AGO2: variants seen among roughly 807,000 people sequenced by gnomAD.
AGO2 encodes the protein argonaute RISC catalytic component 2.
In AGO2, 5 loss-of-function variants were observed where a neutral mutation model predicts 102.3. The observed-to-expected ratio is 0.05, with a 90% CI of 0.03 to 0.10. The LOEUF (loss-of-function observed/expected upper bound fraction) is 0.10. Ranked by LOEUF, AGO2 falls within the 10% of genes least tolerant of loss-of-function variation. The pLI is 1.00. For missense variants in AGO2, 541 were observed against 1,183.7 expected (o/e 0.46, Z 7.97); for synonymous variants, 449 against 473.1 (o/e 0.95, Z 0.66).
At chr8:140,579,597 A>G (rs1205247281) in intron 2 of AGO2, among the ~76,000 whole-genome samples, 3 of 151,124 alleles carry the variant, frequency 2.0e-5, no homozygotes, top group African/African-American at 7.3e-5. Context: ...TAAGCACCAC[A>G]CTGCATGCCC....
chr8:140,585,987 G>T (rs1383888089), intron 1 of AGO2, among the ~76,000 whole-genome samples: 1 of 152,050 alleles, frequency 6.6e-6, no homozygotes, highest in Non-Finnish European at 1.5e-5. Context: ...TTTTTTGTTT[G>T]TTTGTTTCCT....
In AGO2 at chr8:140,520,444, A is replaced by G. The variant is rs1026112571; in HGVS notation, c.*11600T>C. 1 of 152,228 alleles carries G rather than the reference A, an allele frequency of 6.6e-6. No homozygotes were observed. The highest frequency in any genetic ancestry group is 2.4e-5 in the African/African-American group (1 of 41,460). The allele number at this position is 152,228 out of a possible 1,614,324, so 9.4% of individuals were successfully genotyped here. On this transcript the variant is annotated 3_prime_UTR_variant, in exon 19 of 19. Transcript: ENST00000220592. ...ACTTCACCTAGTAAGCTGTAAAAACAAACTAGAAAGGACCCAGCTAAGCTT... is the reference window on the plus strand; with the variant it reads ...ACTTCACCTAGTAAGCTGTAAAAACGAACTAGAAAGGACCCAGCTAAGCTT...
At chr8:140,535,261 T>C (rs1390818795) in intron 17 of AGO2, 5 of 583,736 alleles carry the variant, frequency 8.6e-6, no homozygotes, top group African/African-American at 7.5e-5. Flanking sequence ...ACTTCCTTTT[T>C]CTGGGAGGCT....
intron 10 of AGO2, 136 bp from the exon 11 acceptor site, chr8:140,551,572 G>A: frequency 2.1e-6 from 2 of 960,388 alleles, no homozygotes; most frequent in Non-Finnish European, 2.8e-6. Context: ...GTTGTCTCCT[G>A]TCTCTGACCT....
rs536102869 is a variant in AGO2 at position 140,567,051 on chromosome 8, C to T, written c.337-4417G>A. ...TACAGTGCTGTGCCCTGGCACGGAT[C>T]GGATGCCTGTCAATGCCACCTTTCA... On this transcript the variant is annotated intron_variant, in intron 3 of 18. Coordinates refer to ENST00000220592, the MANE Select transcript of AGO2 (RefSeq NM_012154.5). This position sits in a 1 kb window ranked among gnomAD's most constrained non-coding sequence, Gnocchi z 5.0. 2.6e-5 allele frequency among the ~76,000 whole-genome samples: 4 copies of T among 152,376 alleles called. No homozygotes were observed. The highest frequency in any genetic ancestry group is 4.1e-4 in the South Asian group (2 of 4,830).
chr8:140,551,757 CCGTT>C (rs2073003112), intron 10 of AGO2, among the ~76,000 whole-genome samples: 2 of 113,642 alleles, frequency 1.8e-5, no homozygotes, highest in African/African-American at 6.7e-5. Flanking sequence ...GGTGGGTGGT[CCGTT>C]GATGATCGGT....
At chr8:140,623,416 A>T (rs909172639) in intron 1 of AGO2, among the ~76,000 whole-genome samples, 5 of 152,126 alleles carry the variant, frequency 3.3e-5, no homozygotes, top group Non-Finnish European at 7.4e-5. Flanking sequence ...TCATCTTACA[A>T]TGGTTCATCC....
At chr8:140,591,387 A>ACG (rs2073744186) in intron 1 of AGO2, among the ~76,000 whole-genome samples, 1 of 152,218 alleles carries the variant, frequency 6.6e-6, no homozygotes, top group Admixed American at 6.5e-5. Flanking sequence ...GAAGACTGGA[A>ACG]CGCTGCGCTG....
intron 2 of AGO2, among the ~76,000 whole-genome samples, chr8:140,573,567 C>T (rs1014970801): frequency 1.3e-5 from 2 of 152,166 alleles, no homozygotes; most frequent in Non-Finnish European, 2.9e-5. Context: ...CAAACTAGAC[C>T]CATGAGTGGG....
chr8:140,613,156 C>T (rs968371580), intron 1 of AGO2, among the ~76,000 whole-genome samples: 4 of 151,996 alleles, frequency 2.6e-5, no homozygotes, highest in Non-Finnish European at 4.4e-5. Flanking sequence ...GCCGAGATAG[C>T]GCCACTGCAC....
rs2073302852 is a variant in AGO2, at chr8:140,567,281, C to T, written c.337-4647G>A. Among the ~76,000 whole-genome samples, 1 of 152,254 alleles carries T rather than the reference C, an allele frequency of 6.6e-6. No homozygotes were observed. The highest frequency in any genetic ancestry group is 2.4e-5 in the African/African-American group (1 of 41,476). ...GGTGCTCGTGTGTGGCAGCTTAGGG[C>T]TGCATGGAGATTTTACGACGGCCAT... On this transcript the variant is annotated intron_variant, in intron 3 of 18. Transcript: ENST00000220592. The surrounding 1 kb of genome is among the most constrained non-coding windows in gnomAD (Gnocchi z 5.0).
At position 140,526,330 on chromosome 8, in the gene AGO2, T is replaced by C. The variant is rs1251805866; in HGVS notation, c.*5714A>G. The C allele has an allele frequency of 6.6e-6, 1 of 152,224 alleles. No homozygotes were observed. Among genetic ancestry groups the C allele is most frequent in the East Asian group, 1.9e-4 (1 of 5,194 alleles). 9.4% of individuals were successfully genotyped at this position (152,224 alleles called of 1,614,324 possible). On this transcript the variant is annotated 3_prime_UTR_variant, in exon 19 of 19. Coordinates refer to ENST00000220592, the MANE Select transcript of AGO2 (RefSeq NM_012154.5). The surrounding 1 kb of genome is among the most constrained non-coding windows in gnomAD (Gnocchi z 5.2). The stretch of plus-strand genomic sequence containing the variant: ...GGCTGTTTCAAGATTTTGCCACACC[T>C]GCGCAGGCTCCTGCCAGCCTGAAGG...
chr8:140,604,883 C>G (rs930892302), intron 1 of AGO2, among the ~76,000 whole-genome samples: 11 of 151,940 alleles, frequency 7.2e-5, no homozygotes, highest in Non-Finnish European at 1.0e-4. Context: ...GTATTTGGTG[C>G]CATCAAGGAA....
chr8:140,628,583 T>C (rs142324328), intron 1 of AGO2, among the ~76,000 whole-genome samples: 1,476 of 145,038 alleles, frequency 0.01, 29 homozygotes, highest in African/African-American at 0.036. Context: ...GGCAGGAGGA[T>C]TACTTGAGGC....
At chr8:140,609,291 C>T (rs959025475) in intron 1 of AGO2, among the ~76,000 whole-genome samples, 1 of 152,246 alleles carries the variant, frequency 6.6e-6, no homozygotes, top group Non-Finnish European at 1.5e-5. Flanking sequence ...CGAGCAGAAA[C>T]GGGGAACCTA....
chr8:140,578,603 T>C (rs2073503105), intron 2 of AGO2, among the ~76,000 whole-genome samples: 1 of 152,250 alleles, frequency 6.6e-6, no homozygotes, highest in Non-Finnish European at 1.5e-5. Context: ...GGCTTGCCCT[T>C]GACCTCCCAA....
intron 3 of AGO2, among the ~76,000 whole-genome samples, chr8:140,570,457 T>C (rs896659804): frequency 6.6e-6 from 1 of 152,196 alleles, no homozygotes; most frequent in Non-Finnish European, 1.5e-5. Flanking sequence ...CTCGTACTCC[T>C]GGCCTCAAGT....
chr8:140,553,621 C>T lies in AGO2; in HGVS notation c.1270-2185G>A, dbSNP rs35431289. Among the ~76,000 whole-genome samples the T allele has an allele frequency of 2.0e-3, 309 of 151,914 alleles. 1 individual carries two copies. Among genetic ancestry groups the T allele is most frequent in the Middle Eastern group, 6.8e-3 (2 of 292 alleles). ...ACGGGATTTCTCCATGTTGGTCAGG[C>T]TGGTCTCGAATTCCTGACCTCAGGT... On this transcript the variant is annotated intron_variant, in intron 10 of 18. Coordinates refer to ENST00000220592, the MANE Select transcript of AGO2 (RefSeq NM_012154.5).
chr8:140,584,216 AATAT>A (rs2073610225), intron 2 of AGO2, among the ~76,000 whole-genome samples: 1 of 152,164 alleles, frequency 6.6e-6, no homozygotes, highest in African/African-American at 2.4e-5. Flanking sequence ...CGATGAAAAT[AATAT>A]ATAAACACAT....
Sources: gnomAD v4.1 joint callset for allele counts (sites outside exome capture counted in the v4.1 genomes callset) on GRCh38, gnomAD v4.1.1 for gene constraint, Gnocchi (gnomAD v3.1) non-coding constraint, MANE v1.5 for transcripts, NCBI Gene and HGNC (gene_info 2026-07-23, HGNC 2026-07-21) for gene names.